The following ACO1 variants were observed in gnomAD, a reference collection of about 807,000 sequenced individuals.
ACO1 encodes the protein aconitase 1.
ACO1 carries 78 observed loss-of-function variants against 105.1 expected under a neutral mutation model. That is an observed-to-expected ratio of 0.74 (90% CI 0.62 to 0.90). ACO1 has a LOEUF of 0.90. Ranked by LOEUF, ACO1 falls within the 40% of genes least tolerant of loss-of-function variation. The probability of loss-of-function intolerance (pLI) is 0.00; values close to 1 mark genes in which losing one functional copy is unlikely to be tolerated. For synonymous variants in ACO1, 364 were observed against 397.4 expected (o/e 0.92, Z 1.00); for missense variants, 965 against 1,111.1 (o/e 0.87, Z 1.87).
At chr9:32,408,811 G>A (rs1821672326) in intron 4 of ACO1, among the ~76,000 whole-genome samples, 160 bp downstream of exon 4, 1 of 152,158 alleles carries the variant, frequency 6.6e-6, no homozygotes, top group Non-Finnish European at 1.5e-5. Context: ...AGATGTTTTA[G>A]GGGGAAGAGT....
chr9:32,450,001 G>C lies in ACO1; in HGVS notation c.2560G>C (p.Asp854His), dbSNP rs1423173244. The change falls in exon 21 of 21, where the codon GAT becomes CAT. Residue 854 changes from aspartate to histidine, a missense_variant. Physicochemically the swap from Asp to His is moderately conservative, Grantham distance 81. Coordinates refer to ENST00000309951, the MANE Select transcript of ACO1 (RefSeq NM_002197.3). Reference protein sequence around the residue: ...KPQMKVQVKLDTGKTFQAVMR... With the variant: ...KPQMKVQVKLHTGKTFQAVMR... ...CTTCTGTTTCTTTGTGCCACAGCTG[G>C]ATACTGGCAAGACCTTCCAGGCTGT... 1 of 1,613,684 alleles carries C rather than the reference G, an allele frequency of 6.2e-7. No homozygotes were observed. Among genetic ancestry groups the C allele is most frequent in the Admixed American group, 1.7e-5 (1 of 60,012 alleles).
At chr9:32,395,101 T>TTGGA (rs1433482072) in intron 1 of ACO1, among the ~76,000 whole-genome samples, 1 of 152,242 alleles carries the variant, frequency 6.6e-6, no homozygotes, top group Non-Finnish European at 1.5e-5. Context: ...TTCTTAAAGA[T>TTGGA]TGGATCTCAA....
At chr9:32,393,454 G>A (rs1218961760) in intron 1 of ACO1, among the ~76,000 whole-genome samples, 3 of 152,144 alleles carry the variant, frequency 2.0e-5, no homozygotes, top group Non-Finnish European at 4.4e-5. Flanking sequence ...CTGATAAGAT[G>A]TTATCAGTGA....
chr9:32,448,693 C>T (rs974068339), intron 19 of ACO1, among the ~76,000 whole-genome samples: 1 of 152,190 alleles, frequency 6.6e-6, no homozygotes, highest in Non-Finnish European at 1.5e-5. Flanking sequence ...ACCCACTGTC[C>T]AACCAGTCCC....
intron 7 of ACO1, among the ~76,000 whole-genome samples, chr9:32,419,640 A>ATG (rs1821926960): frequency 6.6e-6 from 1 of 152,210 alleles, no homozygotes; most frequent in Admixed American, 6.5e-5. Context: ...CTTTCACTAC[A>ATG]TGTTTTCCAC....
In ACO1 at chr9:32,451,776, C is replaced by T. The variant is rs1299567719; in HGVS notation, c.*1665C>T. On this transcript the variant is annotated 3_prime_UTR_variant, in exon 21 of 21. Transcript: ENST00000309951. ...ATTCATTTAAAAAATAAATTACAAA[C>T]AAACAGCCAGGCGCAGTGGCTCATG... is the stretch of plus-strand genomic sequence containing the variant. 1 of 152,140 alleles carries T rather than the reference C, an allele frequency of 6.6e-6. No individual in the cohort carries two copies. The highest frequency in any genetic ancestry group is 1.5e-5 in the Non-Finnish European group (1 of 68,022). The allele number at this position is 152,140 out of a possible 1,614,324, so 9.4% of individuals were successfully genotyped here. A position where few individuals can be genotyped will look rare whatever the true frequency, so the allele number is the denominator to read the frequency against.
intron 1 of ACO1, among the ~76,000 whole-genome samples, chr9:32,386,676 TGAG>T (rs937701654): frequency 1.3e-5 from 2 of 152,036 alleles, no homozygotes; most frequent in East Asian, 3.9e-4. Flanking sequence ...AGTCCACAGG[TGAG>T]GAGGAGGAGA....
intron 19 of ACO1, among the ~76,000 whole-genome samples, chr9:32,446,664 C>T (rs1057263535): frequency 6.6e-6 from 1 of 152,188 alleles, no homozygotes; most frequent in Non-Finnish European, 1.5e-5. Context: ...TTAGTTGATG[C>T]AGTTTTTCAT....
At chr9:32,447,766 T>G (rs1217770825) in intron 19 of ACO1, among the ~76,000 whole-genome samples, 1 of 152,170 alleles carries the variant, frequency 6.6e-6, no homozygotes, top group East Asian at 1.9e-4. Flanking sequence ...GGATGTCCTT[T>G]TGGTTGATGT....
chr9:32,417,521 G>T (rs1002967999), intron 4 of ACO1, among the ~76,000 whole-genome samples: 2 of 152,158 alleles, frequency 1.3e-5, no homozygotes. Context: ...AAATCTTGGT[G>T]CCCTGTGTTG....
At chr9:32,421,127 T>C (rs1821966110) in intron 8 of ACO1, 100 bp downstream of exon 8, 4 of 1,280,576 alleles carry the variant, frequency 3.1e-6, no homozygotes, top group Non-Finnish European at 4.3e-6. Context: ...CAGAAGGCAC[T>C]GGGTTACAGT....
At chr9:32,422,387 A>C (rs1436229370) in intron 8 of ACO1, among the ~76,000 whole-genome samples, 1 of 152,220 alleles carries the variant, frequency 6.6e-6, no homozygotes, top group Admixed American at 6.5e-5. Context: ...GTCAGGACAA[A>C]TACATTAGTG....
At chr9:32,424,480 A>G (rs1295665431) in intron 9 of ACO1, 69 bp from the exon 10 acceptor site, 5 of 1,006,736 alleles carry the variant, frequency 5.0e-6, no homozygotes, top group Non-Finnish European at 7.6e-6. Context: ...AAATTCTCTG[A>G]CATGCTTTGG....
intron 17 of ACO1, among the ~76,000 whole-genome samples, chr9:32,435,180 C>T (rs1822328858): frequency 6.6e-6 from 1 of 152,172 alleles, no homozygotes; most frequent in African/African-American, 2.4e-5. Context: ...ACTACTGTCT[C>T]ATATATTAAT....
Position 32,424,565 on chromosome 9 carries a change from T to G in ACO1, c.1088T>G (p.Leu363Trp), listed in dbSNP as rs1297694898. 6.2e-7 allele frequency: 1 copy of G among 1,612,880 alleles called. No homozygotes were observed. Among genetic ancestry groups the G allele is most frequent in the South Asian group, 1.1e-5 (1 of 90,874 alleles). The change falls in exon 10 of 21, where the codon TTG becomes TGG. Residue 363 changes from leucine (L) to tryptophan (W), a missense_variant. Leu to Trp is a moderately conservative substitution (Grantham distance 61, BLOSUM62 -2). Coordinates refer to ENST00000309951, the MANE Select transcript of ACO1 (RefSeq NM_002197.3). ...GGTCAACAGGTTGTGGAATTAGATT[T>G]GAAAACAGTAGTGCCTTGCTGTAGT... ...PDFTQVVELD[L>W]KTVVPCCSGP...
At chr9:32,423,011 G>C (rs1822008938) in intron 8 of ACO1, among the ~76,000 whole-genome samples, 1 of 152,190 alleles carries the variant, frequency 6.6e-6, no homozygotes, top group Non-Finnish European at 1.5e-5. Context: ...TCAGGTGTAA[G>C]ATTCTCCTAA....
At chr9:32,421,134 C>T (rs2118471801) in intron 8 of ACO1, 107 bp downstream of exon 8, 2 of 1,217,808 alleles carry the variant, frequency 1.6e-6, no homozygotes, top group Middle Eastern at 2.2e-4. Flanking sequence ...CACTGGGTTA[C>T]AGTTACACAA....
At chr9:32,408,947 G>A in intron 4 of ACO1, among the ~76,000 whole-genome samples, 1 of 152,154 alleles carries the variant, frequency 6.6e-6, no homozygotes, top group East Asian at 1.9e-4. Flanking sequence ...ATGAGAGCTT[G>A]TCAACACAAG....
chr9:32,427,582 CT>C, intron 12 of ACO1, 146 bp downstream of exon 12: 2 of 1,186,674 alleles, frequency 1.7e-6, no homozygotes, highest in Non-Finnish European at 2.4e-6. Flanking sequence ...GACTTAAACC[CT>C]TACATTCCAT....
Sources: gnomAD v4.1 joint callset for allele counts (sites outside exome capture counted in the v4.1 genomes callset) on GRCh38, gnomAD v4.1.1 for gene constraint, MANE v1.5 for transcripts, NCBI Gene and HGNC (gene_info 2026-07-23, HGNC 2026-07-21) for gene names.